Variants in LOXL2 observed in about 807,000 individuals in gnomAD.
LOXL2 encodes the protein lysyl oxidase like 2.
Under a neutral mutation model 93.0 loss-of-function variants are expected in LOXL2, and 70 were observed. The observed-to-expected ratio is 0.75, with a 90% CI of 0.62 to 0.92. The LOEUF is 0.92. Among genes scored for constraint, LOXL2 ranks in the 40% least tolerant of loss-of-function variants. LOXL2 has a pLI of 0.00. For missense variants in LOXL2, 973 were observed against 1,054.9 expected (o/e 0.92, Z 1.08); for synonymous variants, 438 against 413.2 (o/e 1.06, Z -0.73).
intron 1 of LOXL2, among the ~76,000 whole-genome samples, chr8:23,394,194 A>G (rs1585385007): frequency 6.6e-6 from 1 of 152,134 alleles, no homozygotes; most frequent in Admixed American, 6.5e-5. Flanking sequence ...GGAGTTCAAG[A>G]CCAGCCTGGC....
intron 4 of LOXL2, chr8:23,336,132 C>T (rs778867341): frequency 2.0e-4 from 31 of 152,416 alleles, no homozygotes; most frequent in African/African-American, 5.8e-4. Flanking sequence ...ACCAGCTGCT[C>T]GAGGATTGGT....
chr8:23,319,683 G>A (rs1472987472), intron 8 of LOXL2, among the ~76,000 whole-genome samples: 1 of 152,152 alleles, frequency 6.6e-6, no homozygotes, highest in Non-Finnish European at 1.5e-5. Flanking sequence ...AGGCAGAGAT[G>A]GGAGCGACCT....
intron 1 of LOXL2, among the ~76,000 whole-genome samples, chr8:23,403,186 C>T (rs538030870): frequency 6.6e-6 from 1 of 152,150 alleles, no homozygotes; most frequent in Admixed American, 6.5e-5. Flanking sequence ...TTCAGACCAC[C>T]GGACCAACGG....
chr8:23,398,921 G>A (rs1271863689), intron 1 of LOXL2, among the ~76,000 whole-genome samples: 2 of 152,244 alleles, frequency 1.3e-5, no homozygotes, highest in East Asian at 1.9e-4. Context: ...CTGCCAATAC[G>A]CTTGGCCAAG....
At chr8:23,371,620 C>T (rs11777211) in intron 1 of LOXL2, among the ~76,000 whole-genome samples, 62,784 of 150,454 alleles carry the variant, frequency 0.42, 13,232 homozygotes, top group African/African-American at 0.48. Flanking sequence ...GGCATGGTGG[C>T]GGGCACCTGT....
Position 23,309,777 on chromosome 8 carries a change from T to A in LOXL2, c.1771A>T (p.Thr591Ser). The A allele has an allele frequency of 3.7e-6, 6 of 1,604,298 alleles. No individual in the cohort carries two copies. Among genetic ancestry groups the A allele is most frequent in the Non-Finnish European group, 5.1e-6 (6 of 1,175,754 alleles). Residue 591 changes from threonine (T) to serine (S), a missense_variant, in exon 10 of 14, where the codon ACG becomes TCG. Physicochemically the swap from Thr to Ser is moderately conservative, Grantham distance 58. Transcript: ENST00000389131. ...SASAAQTDPTTGYRRLLRFSS... is the reference protein window; with the variant it reads ...SASAAQTDPTSGYRRLLRFSS... ...AAGCGCAGGAGCCGGCGGTAGCCCG[T>A]GGTGGGGTCGGTCTGCGCGGCTGAG...
intron 1 of LOXL2, among the ~76,000 whole-genome samples, chr8:23,392,718 G>A (rs537993106): frequency 6.6e-6 from 1 of 152,118 alleles, no homozygotes; most frequent in East Asian, 1.9e-4. Context: ...ACACCCCCCT[G>A]CCCTTGGACT....
rs117787549 is a variant in LOXL2 at position 23,320,734 on chromosome 8, C to T, written c.1303-682G>A. On this transcript the variant is annotated intron_variant, in intron 7 of 13. Coordinates refer to ENST00000389131, the MANE Select transcript of LOXL2 (RefSeq NM_002318.3). ...ACCAGCCTGCGCAACATAGTGAGAC[C>T]CCATCTCTACAAAAAAATAAGTTTA... Among the ~76,000 whole-genome samples, 1,262 of 152,096 alleles carry T rather than the reference C, an allele frequency of 8.3e-3. 77 individuals are homozygous for T. The East Asian group carries it at 0.16, about 19-fold the overall frequency.
intron 3 of LOXL2, among the ~76,000 whole-genome samples, chr8:23,358,894 T>C (rs1008528968): frequency 6.8e-6 from 1 of 147,166 alleles, no homozygotes; most frequent in Admixed American, 7.0e-5. Context: ...CAGGCTGGAG[T>C]GCAGTGGTGC....
intron 1 of LOXL2, among the ~76,000 whole-genome samples, chr8:23,390,196 C>T (rs368279532): frequency 1.3e-5 from 2 of 152,236 alleles, no homozygotes; most frequent in African/African-American, 4.8e-5. Flanking sequence ...TGTGGAGTGG[C>T]GATCTCAGCT....
intron 4 of LOXL2, among the ~76,000 whole-genome samples, chr8:23,335,665 C>T (rs915239939): frequency 5.9e-5 from 9 of 152,066 alleles, no homozygotes; most frequent in African/African-American, 1.7e-4. Context: ...TGTCCCTGCA[C>T]GGCAGGACCC....
At chr8:23,394,800 A>C (rs1216438548) in intron 1 of LOXL2, among the ~76,000 whole-genome samples, 2 of 147,286 alleles carry the variant, frequency 1.4e-5, no homozygotes, top group East Asian at 4.3e-4. Flanking sequence ...TTCAAACAAA[A>C]CTTTTACATG....
intron 7 of LOXL2, among the ~76,000 whole-genome samples, chr8:23,321,510 C>T (rs145030051): frequency 8.4e-4 from 128 of 152,286 alleles, no homozygotes; most frequent in Non-Finnish European, 1.0e-3. Context: ...TTCTGGTGAG[C>T]GGGGTCTGAC....
chr8:23,387,278 C>T (rs1041885024), intron 1 of LOXL2, among the ~76,000 whole-genome samples: 1 of 152,214 alleles, frequency 6.6e-6, no homozygotes, highest in African/African-American at 2.4e-5. Context: ...CTAGTATAAG[C>T]TTTGCCAACA....
chr8:23,304,366 C>T (rs934066821), intron 10 of LOXL2, among the ~76,000 whole-genome samples: 22 of 152,186 alleles, frequency 1.4e-4, no homozygotes, highest in African/African-American at 5.3e-4. Context: ...GCAGGGCCTT[C>T]CCGAAGCCTG....
At chr8:23,397,877 C>A (rs145245151) in intron 1 of LOXL2, among the ~76,000 whole-genome samples, 12,239 of 147,268 alleles carry the variant, frequency 0.083, 629 homozygotes, top group African/African-American at 0.13. Flanking sequence ...AGGAGAATCT[C>A]TTGAACCTGG....
chr8:23,375,429 G>C (rs2117220522), intron 1 of LOXL2, among the ~76,000 whole-genome samples: 1 of 152,140 alleles, frequency 6.6e-6, no homozygotes, highest in South Asian at 2.1e-4. Flanking sequence ...GGCAATGCAG[G>C]CTCTTTTTTG....
intron 3 of LOXL2, among the ~76,000 whole-genome samples, chr8:23,348,383 T>C (rs1426898275): frequency 6.6e-6 from 1 of 151,808 alleles, no homozygotes; most frequent in African/African-American, 2.4e-5. Flanking sequence ...TGTGCACACG[T>C]ACCCTAGAAC....
chr8:23,374,556 A>G (rs1197818054), intron 1 of LOXL2, among the ~76,000 whole-genome samples: 3 of 152,240 alleles, frequency 2.0e-5, no homozygotes, highest in Non-Finnish European at 4.4e-5. Flanking sequence ...ACTAGTTTAC[A>G]GTCCCACCAA....
Sources: allele counts gnomAD v4.1 joint callset (sites outside exome capture counted in the v4.1 genomes callset), GRCh38; gene constraint gnomAD v4.1.1; transcripts MANE v1.5; gene names NCBI Gene and HGNC (gene_info 2026-07-23, HGNC 2026-07-21).